The following DARS1 variants were observed in gnomAD, a reference collection of about 807,000 sequenced individuals.
The protein encoded by DARS1 is aspartate--tRNA ligase, cytoplasmic.
In DARS1, 51 loss-of-function variants were observed where a neutral mutation model predicts 68.8. That is an observed-to-expected ratio of 0.74 (90% CI 0.59 to 0.94). The LOEUF (loss-of-function observed/expected upper bound fraction) is 0.94, where lower values mean the gene tolerates loss of function less well. Ranked by LOEUF, DARS1 falls within the 40% of genes least tolerant of loss-of-function variation. The probability of loss-of-function intolerance (pLI) is 0.00; values close to 1 mark genes in which losing one functional copy is unlikely to be tolerated. For synonymous variants in DARS1, 203 were observed against 190.4 expected, an observed-to-expected ratio of 1.07 and a Z score of -0.55; for missense variants, 607 against 597.3, an observed-to-expected ratio of 1.02 and a Z score of -0.17.
intron 10 of DARS1, among the ~76,000 whole-genome samples, chr2:135,918,399 C>T (rs550663519): frequency 3.3e-5 from 5 of 151,896 alleles, no homozygotes; most frequent in African/African-American, 1.2e-4. Flanking sequence ...AATACAAATA[C>T]ATTTGTATAT....
chr2:135,936,461 T>C (rs984022895), intron 5 of DARS1, among the ~76,000 whole-genome samples: 13 of 152,182 alleles, frequency 8.5e-5, no homozygotes, highest in African/African-American at 3.1e-4. Context: ...AGTGGTGTGA[T>C]CACAGCTCAC....
intron 11 of DARS1, among the ~76,000 whole-genome samples, chr2:135,915,208 G>A (rs917739142): frequency 6.6e-6 from 1 of 151,996 alleles, no homozygotes; most frequent in Non-Finnish European, 1.5e-5. Context: ...AAATACACAT[G>A]TATTGTGATG....
intron 4 of DARS1, among the ~76,000 whole-genome samples, chr2:135,956,412 G>A (rs1486504257): frequency 6.6e-6 from 1 of 152,192 alleles, no homozygotes; most frequent in Non-Finnish European, 1.5e-5. Context: ...GAAGGCAGGC[G>A]AGGGTGATCA....
At chr2:135,970,253 A>C (rs1379354391) in intron 3 of DARS1, among the ~76,000 whole-genome samples, 1 of 117,048 alleles carries the variant, frequency 8.5e-6, no homozygotes, top group Non-Finnish European at 1.6e-5. Context: ...ACCCTGTCTC[A>C]AAAAAAAAAA....
intron 5 of DARS1, among the ~76,000 whole-genome samples, chr2:135,935,865 T>C (rs932450257): frequency 1.3e-5 from 2 of 152,188 alleles, no homozygotes; most frequent in Non-Finnish European, 2.9e-5. Context: ...CAGATCAATA[T>C]TGGCATTCAG....
chr2:135,932,784 C>A lies in DARS1; in HGVS notation c.563G>T (p.Arg188Met). The A allele has an allele frequency of 8.0e-7, 1 of 1,243,424 alleles. No homozygotes were observed. Among genetic ancestry groups the A allele is most frequent in the Non-Finnish European group, 1.2e-6 (1 of 849,544 alleles). The allele number at this position is 1,243,424 out of a possible 1,614,324, so 77.0% of individuals were successfully genotyped here. ...TRLDNRVIDL[R>M]TSTSQAVFRL... The stretch of plus-strand genomic sequence containing the variant: ...ACTTAATAAATAAATGAGGCATACC[C>A]TAAGATCAATGACTCTGTTGTCTAA... Residue 188 changes from arginine to methionine, a missense_variant and splice_region_variant, in exon 7 of 16, where the codon AGG (arginine) becomes ATG (methionine). Arg to Met is a moderately conservative substitution (Grantham distance 91). Coordinates refer to ENST00000264161, the MANE Select transcript of DARS1 (RefSeq NM_001349.4).
Position 135,916,215 on chromosome 2 carries a change from C to T in DARS1, c.1106+11G>A. On this transcript the variant is annotated intron_variant, in intron 11 of 15. Transcript: ENST00000264161. ...GGAACTTAAAGTAAAAAAAAAGCCACAAAGACAAACCTCAGATCGTCTTCA... is the reference window on the plus strand; with the variant it reads ...GGAACTTAAAGTAAAAAAAAAGCCATAAAGACAAACCTCAGATCGTCTTCA... 3.2e-6 allele frequency: 5 copies of T among 1,552,214 alleles called. No homozygotes were observed. Among genetic ancestry groups the T allele is most frequent in the Non-Finnish European group, 4.4e-6 (5 of 1,127,016 alleles).
chr2:135,914,685 T>C (rs1680970375), intron 11 of DARS1, 174 bp from the exon 12 acceptor site: 4 of 604,486 alleles, frequency 6.6e-6, no homozygotes, highest in African/African-American at 3.7e-5. Context: ...CACTTATGAG[T>C]ATACCTTGGT....
At chr2:135,960,011 T>C (rs1010735345) in intron 4 of DARS1, among the ~76,000 whole-genome samples, 1 of 152,124 alleles carries the variant, frequency 6.6e-6, no homozygotes, top group African/African-American at 2.4e-5. Context: ...TTATAGAAGG[T>C]TCTCTGTGCA....
At chr2:135,969,673 AAATGGTTC>A (rs1485360417) in intron 3 of DARS1, among the ~76,000 whole-genome samples, 5 of 151,974 alleles carry the variant, frequency 3.3e-5, no homozygotes, top group African/African-American at 4.8e-5. Context: ...AAGAATCTAA[AAATGGTTC>A]AATGTTATAA....
rs751785653 is a variant in DARS1, at chr2:135,907,154, C to A, written c.*162G>T. On this transcript the variant is annotated 3_prime_UTR_variant, in exon 16 of 16. Coordinates refer to ENST00000264161, the MANE Select transcript of DARS1 (RefSeq NM_001349.4). Reference sequence around the variant, plus strand: ...CAAAAATAACAGTGATATTTTAGGGCCTTGCAAATTTATTCTAGTGCATAT... The same window carrying A: ...CAAAAATAACAGTGATATTTTAGGGACTTGCAAATTTATTCTAGTGCATAT... 62 of 465,938 alleles carry A rather than the reference C, an allele frequency of 1.3e-4. 1 individual carries two copies. The highest frequency in any genetic ancestry group is 2.2e-4 in the Non-Finnish European group (59 of 263,728). The allele number at this position is 465,938 out of a possible 1,614,324, so 28.9% of individuals were successfully genotyped here.
rs992435404 is a variant in DARS1 at position 135,907,242 on chromosome 2, C to CTTTTTTTTTTTTTTTT, written c.*58_*73dup. On this transcript the variant is annotated 3_prime_UTR_variant, in exon 16 of 16. Transcript: ENST00000264161. Reference sequence around the variant, plus strand: ...TACTGAAAAGAATAAGTGTGGCTTTCTTTTTTTTTTTTTTTTTTTGAGGCA... The same window carrying CTTTTTTTTTTTTTTTT: ...TACTGAAAAGAATAAGTGTGGCTTTCTTTTTTTTTTTTTTTTTTTTTTTTTTTTTTTTTTTGAGGCA... 695 of 453,584 alleles carry CTTTTTTTTTTTTTTTT rather than the reference C, an allele frequency of 1.5e-3. 59 individuals carry two copies. The highest frequency in any genetic ancestry group is 4.7e-3 in the African/African-American group (166 of 35,332). 28.1% of individuals were successfully genotyped at this position (453,584 alleles called of 1,614,324 possible). A position where few individuals can be genotyped will look rare whatever the true frequency, so the allele number is the denominator to read the frequency against.
intron 2 of DARS1, among the ~76,000 whole-genome samples, chr2:135,979,568 A>G: frequency 6.6e-6 from 1 of 152,146 alleles, no homozygotes; most frequent in South Asian, 2.1e-4. Flanking sequence ...TTCTAAACAT[A>G]TTTTTAAAAT....
chr2:135,950,488 T>C lies in DARS1; in HGVS notation c.321-7008A>G, dbSNP rs370175946. On this transcript the variant is annotated intron_variant, in intron 4 of 15. Coordinates refer to ENST00000264161, the MANE Select transcript of DARS1 (RefSeq NM_001349.4). ...TTCTTCTGAATTATCTCATGCTTCA[T>C]TGATCCTCAAGTTTCTAAGTAAAGA... Among the ~76,000 whole-genome samples the C allele has an allele frequency of 6.6e-5, 10 of 152,358 alleles. No individual in the cohort carries two copies. In the South Asian group the frequency reaches 1.7e-3, roughly 25 times the overall value.
At chr2:135,935,479 A>G (rs1681448407) in intron 5 of DARS1, among the ~76,000 whole-genome samples, 1 of 152,028 alleles carries the variant, frequency 6.6e-6, no homozygotes, top group Admixed American at 6.6e-5. Context: ...AGGTGCCTAC[A>G]ATCCCAGCTA....
chr2:135,985,281 C>G (rs1218063509), intron 1 of DARS1, 122 bp downstream of exon 1: 1 of 1,435,684 alleles, frequency 7.0e-7, no homozygotes. Context: ...GGACCCCACG[C>G]CCGCAGCCTG....
chr2:135,939,517 G>T (rs1432514991), intron 5 of DARS1, among the ~76,000 whole-genome samples: 1 of 152,212 alleles, frequency 6.6e-6, no homozygotes. Flanking sequence ...GCAGTGTGTA[G>T]AGGGAAATTT....
At chr2:135,964,408 A>G (rs1251829320) in intron 3 of DARS1, among the ~76,000 whole-genome samples, 1 of 152,232 alleles carries the variant, frequency 6.6e-6, no homozygotes, top group Non-Finnish European at 1.5e-5. Flanking sequence ...AAGGGCTGAA[A>G]GGAAATTTTG....
Position 135,922,845 on chromosome 2 carries a change from T to G in DARS1, c.750A>C (p.Pro250=), listed in dbSNP as rs1394720094. 1 of 1,591,968 alleles carries G rather than the reference T, an allele frequency of 6.3e-7. No individual in the cohort carries two copies. Among genetic ancestry groups the G allele is most frequent in the Non-Finnish European group, 8.5e-7 (1 of 1,170,002 alleles). The change falls in exon 9 of 16, where the codon CCA becomes CCC. Residue 250 remains proline, a synonymous_variant. Transcript: ENST00000264161. ...AAATGCACATTTGCTTATATAGCTG[T>G]GGGGACTGAGCCAGGTATGCATTAT... ...FKNNAYLAQS[P]QLYKQMCICA...
Sources: gnomAD v4.1 joint callset for allele counts (sites outside exome capture counted in the v4.1 genomes callset) on GRCh38, gnomAD v4.1.1 for gene constraint, MANE v1.5 for transcripts, NCBI Gene and HGNC (gene_info 2026-07-23, HGNC 2026-07-21) for gene names.